Variants in GGACT observed in about 807,000 individuals in gnomAD.
GGACT encodes the protein gamma-glutamylaminecyclotransferase.
For missense variants in GGACT, 241 were observed against 233.2 expected, an observed-to-expected ratio of 1.03 and a Z score of -0.22; for synonymous variants, 118 against 115.3, an observed-to-expected ratio of 1.02 and a Z score of -0.15.
At chr13:100,564,733 G>A (rs2088795521) in intron 2 of GGACT, among the ~76,000 whole-genome samples, 2 of 152,188 alleles carry the variant, frequency 1.3e-5, no homozygotes, top group South Asian at 4.1e-4. Context: ...CATTTGAAAA[G>A]TGTGGAAATA....
chr13:100,532,907 C>T (rs1455315144), intron 2 of GGACT, among the ~76,000 whole-genome samples: 1 of 152,234 alleles, frequency 6.6e-6, no homozygotes, highest in East Asian at 1.9e-4. Flanking sequence ...TTGCCAGTCC[C>T]TAGGCTAGAG....
chr13:100,544,130 C>A (rs1297200519), intron 2 of GGACT, among the ~76,000 whole-genome samples: 1 of 152,200 alleles, frequency 6.6e-6, no homozygotes, highest in African/African-American at 2.4e-5. Flanking sequence ...TTTATGGAAA[C>A]CTTCTTGTGT....
rs993230709 is a variant in GGACT at position 100,564,270 on chromosome 13, C to T, written c.-11+19555G>A. Among the ~76,000 whole-genome samples the T allele has an allele frequency of 3.3e-5, 5 of 152,230 alleles. No homozygotes were observed. In the South Asian group the frequency reaches 8.3e-4, roughly 25 times the overall value. ...TCTATCTGTTTTACAGTGATGCTCT[C>T]GAACTACTAACTTTTAGATTAAAGA... is the stretch of plus-strand genomic sequence containing the variant. On this transcript the variant is annotated intron_variant, in intron 2 of 2. Transcript: ENST00000683975.
rs551263461 is a variant in GGACT at position 100,547,334 on chromosome 13, G to C, written c.-10-14733C>G. On this transcript the variant is annotated intron_variant, in intron 2 of 2. Transcript: ENST00000683975. ...TGGGGTACTTGCTGCCGCAGACACA[G>C]GGCCCTCTGGGGAGATGGAAATGCT... Among the ~76,000 whole-genome samples the C allele has an allele frequency of 3.3e-4, 50 of 152,324 alleles. 1 individual carries two copies. Among genetic ancestry groups the C allele is most frequent in the South Asian group, 2.1e-3 (10 of 4,830 alleles).
At chr13:100,533,213 T>A in intron 2 of GGACT, 1 of 156,472 alleles carries the variant, frequency 6.4e-6, no homozygotes. Context: ...GTCCAGGCCC[T>A]AGTATGGCCC....
In GGACT at chr13:100,532,331, C is replaced by G. The variant is rs768743482; in HGVS notation, c.261G>C (p.Leu87=). 117 of 1,550,272 alleles carry G rather than the reference C, an allele frequency of 7.5e-5. No individual in the cohort carries two copies. In the Middle Eastern group the frequency reaches 2.8e-3, roughly 37 times the overall value. Residue 87 remains leucine, a synonymous_variant, in exon 3 of 3, where the codon CTG becomes CTC. Coordinates refer to ENST00000683975, the MANE Select transcript of GGACT (RefSeq NM_001195087.2). ...GTACCCGCAGCACCGTGCGCTGGTACAGGGCCGGGCAACTCTCGAAGTCAT... is the reference window on the plus strand; with the variant it reads ...GTACCCGCAGCACCGTGCGCTGGTAGAGGGCCGGGCAACTCTCGAAGTCAT... The part of the protein sequence containing the change: ...FLDDFESCPA[L]YQRTVLRVQL...
At chr13:100,555,037 T>A (rs1335891475) in intron 2 of GGACT, among the ~76,000 whole-genome samples, 2 of 152,238 alleles carry the variant, frequency 1.3e-5, no homozygotes, top group African/African-American at 4.8e-5. Context: ...CTGTATCTAC[T>A]CACAGTTAAA....
At chr13:100,547,344 G>A (rs976502599) in intron 2 of GGACT, among the ~76,000 whole-genome samples, 1 of 152,202 alleles carries the variant, frequency 6.6e-6, no homozygotes, top group Non-Finnish European at 1.5e-5. Context: ...GGGCCCTCTG[G>A]GGAGATGGAA....
rs1467236403 is a variant in GGACT at position 100,569,338 on chromosome 13, T to C, written c.-11+14487A>G. ...CATCCTCTGAAATCTAGGCAGAGGT[T>C]CCCAAACCTCAATTCTTGACCGCTA... On this transcript the variant is annotated intron_variant, in intron 2 of 2. Transcript: ENST00000683975. Among the ~76,000 whole-genome samples, 3 of 152,232 alleles carry C rather than the reference T, an allele frequency of 2.0e-5. No individual in the cohort carries two copies. The East Asian group carries it at 5.8e-4, about 29-fold the overall frequency.
At chr13:100,572,513 T>C (rs1271864059) in intron 2 of GGACT, among the ~76,000 whole-genome samples, 1 of 152,256 alleles carries the variant, frequency 6.6e-6, no homozygotes, top group Non-Finnish European at 1.5e-5. Context: ...AACTGTACAC[T>C]TAAAAATGGT....
At chr13:100,566,413 A>C (rs1874879623) in intron 2 of GGACT, among the ~76,000 whole-genome samples, 1 of 150,830 alleles carries the variant, frequency 6.6e-6, no homozygotes, top group South Asian at 2.1e-4. Flanking sequence ...CACACTCTTC[A>C]CTCCTCAGCA....
Position 100,530,876 on chromosome 13 carries a change from G to A in GGACT, c.*1254C>T, listed in dbSNP as rs1359874088. 6.5e-6 allele frequency: 1 copy of A among 153,570 alleles called. No individual in the cohort carries two copies. The highest frequency in any genetic ancestry group is 1.4e-5 in the Non-Finnish European group (1 of 69,038). The allele number at this position is 153,570 out of a possible 1,614,324, so 9.5% of individuals were successfully genotyped here. On this transcript the variant is annotated 3_prime_UTR_variant, in exon 3 of 3. Coordinates refer to ENST00000683975, the MANE Select transcript of GGACT (RefSeq NM_001195087.2). ...GCCAGGGCAGTCACAAGGAGCTTGG[G>A]CTGCCTCACCGCCCTCATCAAGCAC...
intron 2 of GGACT, among the ~76,000 whole-genome samples, chr13:100,582,034 T>G (rs77014892): frequency 1.3e-5 from 2 of 152,358 alleles, no homozygotes; most frequent in East Asian, 3.9e-4. Flanking sequence ...GTTACCAGTA[T>G]GCGCTCATGA....
At chr13:100,550,164 C>T (rs1420634614) in intron 2 of GGACT, among the ~76,000 whole-genome samples, 1 of 152,150 alleles carries the variant, frequency 6.6e-6, no homozygotes, top group Non-Finnish European at 1.5e-5. Flanking sequence ...GAACGCACGG[C>T]CGGCCACTGT....
intron 2 of GGACT, among the ~76,000 whole-genome samples, chr13:100,577,418 A>AAAATAAAT (rs59417268): frequency 0.16 from 22,071 of 141,020 alleles, 1,909 homozygotes; most frequent in Middle Eastern, 0.17. Context: ...CTCCATCTCA[A>AAAATAAAT]AAATAAATAA....
intron 2 of GGACT, among the ~76,000 whole-genome samples, chr13:100,543,196 G>GTTTTTTTTT (rs1566530390): frequency 1.6e-5 from 1 of 63,666 alleles, no homozygotes; most frequent in African/African-American, 6.5e-5. Context: ...AAAGACACCA[G>GTTTTTTTTT]CTTTTTTTTT....
At position 100,532,516 on chromosome 13, in the gene GGACT, C is replaced by G. The variant is rs1409731474; in HGVS notation, c.76G>C (p.Gly26Arg). Residue 26 changes from glycine (G) to arginine (R), a missense_variant, in exon 3 of 3, where the codon GGC becomes CGC. Transcript: ENST00000683975. ...NHRVLRDGAHGSAAFRARGRT... is the reference protein window; with the variant it reads ...NHRVLRDGAHRSAAFRARGRT... Reference sequence around the variant, plus strand: ...CCGCGCGCCCGAAAGGCTGCGGAGCCGTGGGCGCCGTCCCGCAGGACCCTG... The same window carrying G: ...CCGCGCGCCCGAAAGGCTGCGGAGCGGTGGGCGCCGTCCCGCAGGACCCTG... 2 of 1,548,268 alleles carry G rather than the reference C, an allele frequency of 1.3e-6. No homozygotes were observed. The highest frequency in any genetic ancestry group is 1.7e-6 in the Non-Finnish European group (2 of 1,145,866).
chr13:100,566,567 G>A (rs902886788), intron 2 of GGACT, among the ~76,000 whole-genome samples: 2 of 152,220 alleles, frequency 1.3e-5, no homozygotes, highest in Non-Finnish European at 1.5e-5. Flanking sequence ...GGCTGCCGAG[G>A]TCCCCTTTAC....
rs538650668 is a variant in GGACT, at chr13:100,575,537, G to A, written c.-11+8288C>T. ...TTTGACTACTGCTTCAGACACACTG[G>A]AGCAGCCCATTAAAAAAACTATGAT... On this transcript the variant is annotated intron_variant, in intron 2 of 2. Coordinates refer to ENST00000683975, the MANE Select transcript of GGACT (RefSeq NM_001195087.2). 1.6e-3 allele frequency among the ~76,000 whole-genome samples: 246 copies of A among 152,196 alleles called. 1 individual carries two copies. Among genetic ancestry groups the A allele is most frequent in the African/African-American group, 5.7e-3 (237 of 41,510 alleles).
Sources: allele counts gnomAD v4.1 joint callset (sites outside exome capture counted in the v4.1 genomes callset), GRCh38; gene constraint gnomAD v4.1.1; transcripts MANE v1.5; gene names NCBI Gene and HGNC (gene_info 2026-07-23, HGNC 2026-07-21).